COL5A2: variants seen among roughly 807,000 people sequenced by gnomAD.
COL5A2 encodes the protein collagen alpha-2(V) chain.
Under a neutral mutation model 208.2 loss-of-function variants are expected in COL5A2, and 23 were observed. That is an observed-to-expected ratio of 0.11 (90% CI 0.08 to 0.16). The LOEUF (loss-of-function observed/expected upper bound fraction) is 0.16. Ranked by LOEUF, COL5A2 falls within the 10% of genes least tolerant of loss-of-function variation. The probability of loss-of-function intolerance (pLI) is 1.00; values close to 1 mark genes in which losing one functional copy is unlikely to be tolerated. For synonymous variants in COL5A2, 625 were observed against 628.5 expected (o/e 0.99, Z 0.08); for missense variants, 1,590 against 1,956.4 (o/e 0.81, Z 3.53).
At position 189,079,236 on chromosome 2, in the gene COL5A2, T is replaced by C. The variant is rs752657851; in HGVS notation, c.961-129A>G. 101 of 741,382 alleles carry C rather than the reference T, an allele frequency of 1.4e-4. No homozygotes were observed. The Middle Eastern group carries it at 3.0e-3, about 22-fold the overall frequency. 45.9% of individuals were successfully genotyped at this position (741,382 alleles called of 1,614,324 possible). ...TGAAAGATGTACTTTTGATATAGGATCTCAGAATGTTGTTTTATTACCTCT... is the reference window on the plus strand; with the variant it reads ...TGAAAGATGTACTTTTGATATAGGACCTCAGAATGTTGTTTTATTACCTCT... On this transcript the variant is annotated intron_variant, in intron 14 of 53. Transcript: ENST00000374866.
chr2:189,331,949 CA>C, the COL5A2 span, among the ~76,000 whole-genome samples: 116 of 83,542 alleles, frequency 1.4e-3, 1 homozygote, highest in Middle Eastern at 6.8e-3. Flanking sequence ...GACTCCGTCT[CA>C]AAAAAAAAAA....
intron 47 of COL5A2, among the ~76,000 whole-genome samples, chr2:189,043,609 A>G (rs928817097): frequency 2.0e-5 from 3 of 152,148 alleles, no homozygotes; most frequent in Non-Finnish European, 2.9e-5. Context: ...AGTTGATATT[A>G]TTATATAAAA....
the COL5A2 span, among the ~76,000 whole-genome samples, chr2:189,412,791 T>C: frequency 1.3e-5 from 2 of 152,338 alleles, no homozygotes; most frequent in South Asian, 4.1e-4. Flanking sequence ...TACATTGTCT[T>C]GTGTTCAAAG....
chr2:189,262,652 C>A, the COL5A2 span, among the ~76,000 whole-genome samples: 111,538 of 151,900 alleles, frequency 0.73, 41,063 homozygotes, highest in East Asian at 0.92. Context: ...TACACACATA[C>A]CTAATTTTAA....
At chr2:189,266,348 C>T in the COL5A2 span, among the ~76,000 whole-genome samples, 2 of 151,898 alleles carry the variant, frequency 1.3e-5, no homozygotes, top group Non-Finnish European at 2.9e-5. Flanking sequence ...ATTGCCTGAA[C>T]CTGGGAGGCG....
chr2:189,319,313 T>C, the COL5A2 span, among the ~76,000 whole-genome samples: 1 of 152,218 alleles, frequency 6.6e-6, no homozygotes, highest in African/African-American at 2.4e-5. Flanking sequence ...TGTCAGACAG[T>C]AGGTGCAGGA....
At chr2:189,425,257 C>A in the COL5A2 span, among the ~76,000 whole-genome samples, 1 of 152,096 alleles carries the variant, frequency 6.6e-6, no homozygotes, top group Non-Finnish European at 1.5e-5. Context: ...GGTGGGAATG[C>A]AAATTAATAC....
intron 1 of COL5A2, among the ~76,000 whole-genome samples, chr2:189,145,805 A>T (rs773654627): frequency 1.3e-5 from 2 of 152,136 alleles, no homozygotes; most frequent in Non-Finnish European, 2.9e-5. Context: ...CTGAAAAGGA[A>T]AAAAAGGAGA....
At chr2:189,076,008 A>G (rs1193901473) in intron 16 of COL5A2, among the ~76,000 whole-genome samples, 23 of 152,174 alleles carry the variant, frequency 1.5e-4, no homozygotes, top group Admixed American at 1.5e-3. Context: ...ATGCAGGGAT[A>G]CAAAGCATTG....
intron 1 of COL5A2, among the ~76,000 whole-genome samples, chr2:189,117,816 C>T (rs1196451108): frequency 2.0e-5 from 3 of 151,928 alleles, no homozygotes; most frequent in Non-Finnish European, 2.9e-5. Flanking sequence ...TTTGTCACCC[C>T]ATGATAGAAT....
intron 12 of COL5A2, among the ~76,000 whole-genome samples, chr2:189,081,262 C>G (rs1260422717): frequency 1.3e-5 from 2 of 152,036 alleles, no homozygotes; most frequent in African/African-American, 4.8e-5. Context: ...ATGACTTATA[C>G]AAGGATACAA....
At chr2:189,086,910 A>C in intron 8 of COL5A2, 140 bp from the exon 9 acceptor site, 1 of 714,610 alleles carries the variant, frequency 1.4e-6, no homozygotes, top group Non-Finnish European at 2.4e-6. Flanking sequence ...ATCTGTACTC[A>C]TTTGGAAGGC....
At chr2:189,326,111 AAAAAG>A in the COL5A2 span, among the ~76,000 whole-genome samples, 3 of 151,838 alleles carry the variant, frequency 2.0e-5, no homozygotes, top group Non-Finnish European at 4.4e-5. Flanking sequence ...AAAAAAAAAA[AAAAAG>A]AAGAAGAAGG....
At chr2:189,168,381 A>C (rs1392492376) in intron 1 of COL5A2, among the ~76,000 whole-genome samples, 2 of 152,120 alleles carry the variant, frequency 1.3e-5, no homozygotes, top group Non-Finnish European at 2.9e-5. Context: ...TCAGAAAACT[A>C]GGAACTTTGC....
chr2:189,072,175 T>A, intron 17 of COL5A2, 82 bp from the exon 18 acceptor site: 1 of 930,828 alleles, frequency 1.1e-6, no homozygotes, highest in Non-Finnish European at 1.7e-6. Flanking sequence ...TTGGCGTCAT[T>A]TTGTATTAGA....
At chr2:189,196,448 C>G (rs1487155969) in intron 1 of COL5A2, among the ~76,000 whole-genome samples, 1 of 146,148 alleles carries the variant, frequency 6.8e-6, no homozygotes, top group Non-Finnish European at 1.5e-5. Flanking sequence ...TGGGAAAACT[C>G]TTGGTCATTA....
chr2:189,036,602 A>G lies in COL5A2; in HGVS notation c.4113+14T>C. ...AAGTAAAGAATACAATTTTAAGTAA[A>G]CATATTAAATTACCTGAGACCCTCT... is the stretch of plus-strand genomic sequence containing the variant. On this transcript the variant is annotated intron_variant, in intron 52 of 53. Coordinates refer to ENST00000374866, the MANE Select transcript of COL5A2 (RefSeq NM_000393.5). 4 of 1,592,642 alleles carry G rather than the reference A, an allele frequency of 2.5e-6. No individual in the cohort carries two copies. The South Asian group carries it at 3.3e-5, about 13-fold the overall frequency.
At chr2:189,048,450 CAT>C (rs1483938900) in intron 44 of COL5A2, among the ~76,000 whole-genome samples, 188 bp from the exon 45 acceptor site, 1 of 152,180 alleles carries the variant, frequency 6.6e-6, no homozygotes, top group African/African-American at 2.4e-5. Flanking sequence ...GTAAAATTAA[CAT>C]ATTCTTACTT....
chr2:189,049,416 T>G lies in COL5A2; in HGVS notation c.3078A>C (p.Gly1026=), dbSNP rs1478225274. ...PGKVGPTGAT[G]DKGPPGPVGP... is the part of the protein sequence containing the mutation. ...CCACAGGTCCAGGTGGACCTTTATC[T>G]CCTGTTGCACCAGTTGGTCCTACTT... The change falls in exon 44 of 54, where the codon GGA becomes GGC. Residue 1026 remains glycine (G), a synonymous_variant. Coordinates refer to ENST00000374866, the MANE Select transcript of COL5A2 (RefSeq NM_000393.5). 1 of 1,613,552 alleles carries G rather than the reference T, an allele frequency of 6.2e-7. No homozygotes were observed. The highest frequency in any genetic ancestry group is 1.3e-5 in the African/African-American group (1 of 74,942).
Sources: gnomAD v4.1 joint callset for allele counts (sites outside exome capture counted in the v4.1 genomes callset) on GRCh38, gnomAD v4.1.1 for gene constraint, MANE v1.5 for transcripts, NCBI Gene and HGNC (gene_info 2026-07-23, HGNC 2026-07-21) for gene names.